SPAG16: variants seen among roughly 807,000 people sequenced by gnomAD.
SPAG16 encodes sperm associated antigen 16, also known as sperm-associated antigen 16 protein.
A neutral mutation model predicts 80.4 loss-of-function variants in SPAG16; 86 were observed. That is an observed-to-expected ratio of 1.07 (90% CI 0.90 to 1.28). SPAG16 has a LOEUF of 1.28. SPAG16 is among the 50% of genes most tolerant of loss of function. The probability of loss-of-function intolerance (pLI) is 0.00; values close to 1 mark genes in which losing one functional copy is unlikely to be tolerated. For missense variants in SPAG16, 870 were observed against 765.3 expected (o/e 1.14, Z -1.61); for synonymous variants, 294 against 265.9 (o/e 1.11, Z -1.03).
intron 10 of SPAG16, among the ~76,000 whole-genome samples, chr2:213,753,078 T>C (rs1030476329): frequency 1.3e-5 from 2 of 152,224 alleles, no homozygotes; most frequent in African/African-American, 4.8e-5. Flanking sequence ...AGTGGCGTGA[T>C]CTCAGCTCAC....
At chr2:214,054,498 C>G (rs897331918) in intron 13 of SPAG16, among the ~76,000 whole-genome samples, 6 of 152,124 alleles carry the variant, frequency 3.9e-5, no homozygotes, top group South Asian at 2.1e-4. Flanking sequence ...GAATAAAATA[C>G]TTCCTTTGCA....
intron 8 of SPAG16, among the ~76,000 whole-genome samples, chr2:213,368,204 T>C (rs2066423629): frequency 6.6e-6 from 1 of 152,096 alleles, no homozygotes; most frequent in African/African-American, 2.4e-5. Context: ...TGTAGTATAG[T>C]TTGAAGTCAG....
intron 10 of SPAG16, among the ~76,000 whole-genome samples, chr2:213,672,482 A>G (rs2063848378): frequency 2.0e-5 from 3 of 151,474 alleles, no homozygotes; most frequent in Admixed American, 1.3e-4. Context: ...CTGGAACTAT[A>G]TTTATTTTTT....
intron 10 of SPAG16, among the ~76,000 whole-genome samples, chr2:213,725,610 T>C (rs2066731865): frequency 6.6e-6 from 1 of 152,096 alleles, no homozygotes; most frequent in Admixed American, 6.5e-5. Context: ...CAAGCATTTA[T>C]TAGGGGAATT....
chr2:213,340,260 G>T lies in SPAG16; in HGVS notation c.634G>T (p.Asp212Tyr). The T allele has an allele frequency of 6.3e-7, 1 of 1,592,834 alleles. No homozygotes were observed. The highest frequency in any genetic ancestry group is 1.1e-5 in the South Asian group (1 of 90,138). Reference protein sequence around the residue: ...IVQEKNKLINDLKGLKLHYAS... With the variant: ...IVQEKNKLINYLKGLKLHYAS... ...CCAGGAAAAAAACAAATTAATTAAT[G>T]ACCTCAAAGGGTAAGCTTATACTTG... The change falls in exon 6 of 16, where the codon GAC becomes TAC. Residue 212 changes from aspartate (D) to tyrosine (Y), a missense_variant. Transcript: ENST00000331683.
intron 10 of SPAG16, among the ~76,000 whole-genome samples, chr2:213,643,842 G>A (rs1203253107): frequency 1.6e-5 from 2 of 126,552 alleles, no homozygotes; most frequent in East Asian, 2.5e-4. Context: ...GTGCAGTGGT[G>A]CAATCTTGGC....
intron 9 of SPAG16, among the ~76,000 whole-genome samples, chr2:213,404,161 C>G (rs1185119843): frequency 6.6e-6 from 1 of 152,020 alleles, no homozygotes; most frequent in African/African-American, 2.4e-5. Flanking sequence ...CAATGCCATC[C>G]CCATCAAGCT....
At chr2:213,343,922 G>T (rs2064824778) in intron 6 of SPAG16, among the ~76,000 whole-genome samples, 1 of 152,056 alleles carries the variant, frequency 6.6e-6, no homozygotes, top group Non-Finnish European at 1.5e-5. Context: ...TCCAAGAAGA[G>T]GCTGGGCATA....
chr2:213,397,113 T>TG (rs1359843903), intron 9 of SPAG16, among the ~76,000 whole-genome samples: 2 of 152,222 alleles, frequency 1.3e-5, no homozygotes, highest in Non-Finnish European at 2.9e-5. Flanking sequence ...ATCAACTCTT[T>TG]GGAAGAAGAA....
chr2:213,403,383 T>A (rs1158876572), intron 9 of SPAG16, among the ~76,000 whole-genome samples: 1 of 152,202 alleles, frequency 6.6e-6, no homozygotes, highest in African/African-American at 2.4e-5. Flanking sequence ...CGGTTGCCTG[T>A]TCACTCTGAT....
At chr2:213,500,374 G>T (rs2074686708) in intron 10 of SPAG16, among the ~76,000 whole-genome samples, 1 of 152,128 alleles carries the variant, frequency 6.6e-6, no homozygotes, top group African/African-American at 2.4e-5. Flanking sequence ...ACCACCAATA[G>T]GAGGAAGATA....
rs570078737 is a variant in SPAG16, at chr2:213,728,782, C to T, written c.1071-133703C>T. On this transcript the variant is annotated intron_variant, in intron 10 of 15. Coordinates refer to ENST00000331683, the MANE Select transcript of SPAG16 (RefSeq NM_024532.5). ...GTCCCAGCTGCTCGGCAGGCTGAGG[C>T]AGGAGAATGGCACGAACTCGGGAGG... 3.4e-4 allele frequency among the ~76,000 whole-genome samples: 51 copies of T among 149,140 alleles called. No homozygotes were observed. In the Middle Eastern group the frequency reaches 0.014, roughly 40 times the overall value.
At chr2:213,652,679 G>A (rs1162850909) in intron 10 of SPAG16, among the ~76,000 whole-genome samples, 1 of 151,832 alleles carries the variant, frequency 6.6e-6, no homozygotes, top group Admixed American at 6.6e-5. Context: ...TTATTTGTCT[G>A]TTAATGTCTT....
At chr2:213,321,794 A>G (rs1257456232) in intron 5 of SPAG16, among the ~76,000 whole-genome samples, 2 of 152,120 alleles carry the variant, frequency 1.3e-5, no homozygotes, top group East Asian at 3.8e-4. Context: ...AGATGTTTTT[A>G]TGGAGAAAAT....
At chr2:213,681,824 G>A (rs2064402837) in intron 10 of SPAG16, among the ~76,000 whole-genome samples, 1 of 152,128 alleles carries the variant, frequency 6.6e-6, no homozygotes, top group African/African-American at 2.4e-5. Context: ...TCAAACTAGT[G>A]AATCAGCCTT....
At chr2:213,467,374 G>A (rs1488941292) in intron 9 of SPAG16, among the ~76,000 whole-genome samples, 4 of 152,164 alleles carry the variant, frequency 2.6e-5, no homozygotes, top group Non-Finnish European at 5.9e-5. Flanking sequence ...GCCTGCCTTG[G>A]AGCCATAAGG....
chr2:214,003,568 TGTTA>T (rs1167767175), intron 12 of SPAG16, among the ~76,000 whole-genome samples: 1 of 152,184 alleles, frequency 6.6e-6, no homozygotes, highest in African/African-American at 2.4e-5. Context: ...TTATAAGTGT[TGTTA>T]GTTCTTGTTA....
At chr2:214,354,525 A>G (rs569028286) in intron 15 of SPAG16, among the ~76,000 whole-genome samples, 242 of 152,158 alleles carry the variant, frequency 1.6e-3, no homozygotes, top group African/African-American at 5.7e-3. Flanking sequence ...GTTTTTTCCA[A>G]TTTTGTGAAG....
chr2:213,304,625 G>A (rs1391355191), intron 3 of SPAG16, among the ~76,000 whole-genome samples: 7 of 151,974 alleles, frequency 4.6e-5, no homozygotes, highest in Non-Finnish European at 8.8e-5. Context: ...ACCATTCATC[G>A]AAGACACTGT....
Sources: gnomAD v4.1 joint callset for allele counts (sites outside exome capture counted in the v4.1 genomes callset) on GRCh38, gnomAD v4.1.1 for gene constraint, MANE v1.5 for transcripts, NCBI Gene and HGNC (gene_info 2026-07-23, HGNC 2026-07-21) for gene names.